The following TIA1 variants were observed in gnomAD, a reference collection of about 807,000 sequenced individuals.
TIA1 encodes the protein cytotoxic granule associated RNA binding protein TIA1.
A neutral mutation model predicts 65.9 loss-of-function variants in TIA1; 23 were observed. That is an observed-to-expected ratio of 0.35 (90% confidence interval 0.25 to 0.49). The LOEUF is 0.49. Among genes scored for constraint, TIA1 ranks in the 20% least tolerant of loss-of-function variants. The probability of loss-of-function intolerance (pLI) is 0.98; values close to 1 mark genes in which losing one functional copy is unlikely to be tolerated. For synonymous variants in TIA1, 147 were observed against 149.4 expected, an observed-to-expected ratio of 0.98 and a Z score of 0.12; for missense variants, 371 against 477.9, an observed-to-expected ratio of 0.78 and a Z score of 2.09.
At chr2:70,245,970 C>G (rs1293903785) in intron 1 of TIA1, among the ~76,000 whole-genome samples, 1 of 139,334 alleles carries the variant, frequency 7.2e-6, no homozygotes, top group Non-Finnish European at 1.5e-5. Context: ...GTTGCACAGG[C>G]TGGAGTGCAA....
intron 2 of TIA1, among the ~76,000 whole-genome samples, chr2:70,234,459 T>TAA (rs1483616816): frequency 6.6e-6 from 1 of 152,210 alleles, no homozygotes; most frequent in Non-Finnish European, 1.5e-5. Context: ...TAAAAGAACA[T>TAA]AACTCTTTGT....
intron 7 of TIA1, chr2:70,217,296 T>G (rs1573231426): frequency 5.2e-6 from 1 of 192,934 alleles, no homozygotes. Context: ...CTCAGCCTCC[T>G]GAGTAGCGGG....
At position 70,242,681 on chromosome 2, in the gene TIA1, C is replaced by T. The variant is rs115495623; in HGVS notation, c.26+5724G>A. Among the ~76,000 whole-genome samples the T allele has an allele frequency of 3.6e-3, 554 of 152,104 alleles. 3 individuals carry two copies. The highest frequency in any genetic ancestry group is 0.012 in the African/African-American group (518 of 41,488). On this transcript the variant is annotated intron_variant, in intron 1 of 12. Transcript: ENST00000433529. ...CCCCCCTAGGCCATGGACCATTATGCGTCCATGGCCTGTTAGGAACTGGGC... is the reference window on the plus strand; with the variant it reads ...CCCCCCTAGGCCATGGACCATTATGTGTCCATGGCCTGTTAGGAACTGGGC...
At position 70,248,435 on chromosome 2, in the gene TIA1, G is replaced by C. The variant is rs562679610; in HGVS notation, c.-5C>G. On this transcript the variant is annotated 5_prime_UTR_variant, in exon 1 of 13. Coordinates refer to ENST00000433529, the MANE Select transcript of TIA1 (RefSeq NM_022173.4). ...CTTGGGCATCTCGTCCTCCATGGCT[G>C]CTGCTGTCGCGGCGGCGCCTCCAGG... The C allele has an allele frequency of 6.2e-7, 1 of 1,600,812 alleles. No homozygotes were observed. Among genetic ancestry groups the C allele is most frequent in the African/African-American group, 1.3e-5 (1 of 75,036 alleles).
intron 1 of TIA1, among the ~76,000 whole-genome samples, chr2:70,239,597 A>G (rs969786591): frequency 2.0e-5 from 3 of 152,228 alleles, no homozygotes; most frequent in African/African-American, 4.8e-5. Flanking sequence ...ATATTCATAC[A>G]TGCTCACAAA....
chr2:70,230,258 A>G (rs1685620874), intron 3 of TIA1, among the ~76,000 whole-genome samples: 2 of 150,834 alleles, frequency 1.3e-5, no homozygotes, highest in Admixed American at 6.6e-5. Context: ...AAAAAAAAAG[A>G]AAAGAAAATA....
intron 2 of TIA1, among the ~76,000 whole-genome samples, chr2:70,231,100 C>T (rs1223272274): frequency 2.0e-5 from 3 of 152,140 alleles, no homozygotes; most frequent in East Asian, 1.9e-4. Context: ...CAGTTTGAGA[C>T]CAACTTGGCC....
intron 6 of TIA1, 145 bp from the exon 7 acceptor site, chr2:70,224,774 A>G (rs1393854043): frequency 1.4e-6 from 2 of 1,418,092 alleles, no homozygotes; most frequent in African/African-American, 2.9e-5. Flanking sequence ...TACAAAATTT[A>G]TCATGTATTA....
At chr2:70,230,249 A>C (rs1034369591) in intron 3 of TIA1, among the ~76,000 whole-genome samples, 6 of 151,846 alleles carry the variant, frequency 4.0e-5, no homozygotes, top group Admixed American at 1.3e-4. Flanking sequence ...CTCAAAAAAA[A>C]AAAAAAAGAA....
intron 7 of TIA1, 69 bp downstream of exon 7, chr2:70,224,485 G>C: frequency 6.3e-7 from 1 of 1,591,626 alleles, no homozygotes; most frequent in African/African-American, 1.4e-5. Flanking sequence ...AAAAAGATTA[G>C]TAATTAAAAC....
intron 1 of TIA1, among the ~76,000 whole-genome samples, chr2:70,238,580 AG>A (rs1690204929): frequency 6.6e-6 from 1 of 152,130 alleles, no homozygotes; most frequent in South Asian, 2.1e-4. Context: ...GAAAAGTTAT[AG>A]GTAAATTATC....
chr2:70,230,691 A>C, intron 3 of TIA1, 65 bp downstream of exon 3: 1 of 1,293,956 alleles, frequency 7.7e-7, no homozygotes, highest in Non-Finnish European at 1.1e-6. Flanking sequence ...CTAAAAAGGA[A>C]ACAAAATCAT....
At chr2:70,236,024 T>G in intron 2 of TIA1, 55 bp downstream of exon 2, 1 of 1,079,824 alleles carries the variant, frequency 9.3e-7, no homozygotes, top group Non-Finnish European at 1.4e-6. Context: ...AGCAATGGCT[T>G]TAAGTAATGT....
chr2:70,217,789 G>A (rs1481967824), intron 7 of TIA1, among the ~76,000 whole-genome samples: 1 of 152,082 alleles, frequency 6.6e-6, no homozygotes, highest in African/African-American at 2.4e-5. Flanking sequence ...TCAACCCAAT[G>A]GTGCTTTTGT....
chr2:70,247,872 G>A (rs374839302), intron 1 of TIA1, among the ~76,000 whole-genome samples: 2 of 152,006 alleles, frequency 1.3e-5, no homozygotes, highest in East Asian at 3.9e-4. Context: ...TTTCCAATTG[G>A]CAACTGCAAG....
At chr2:70,228,319 T>C (rs1258153896) in intron 5 of TIA1, 2 of 1,280,992 alleles carry the variant, frequency 1.6e-6, no homozygotes, top group Admixed American at 2.4e-5. Context: ...TAACCATATT[T>C]TGTGAAGAAC....
Position 70,215,998 on chromosome 2 carries a change from C to T in TIA1, c.764+210G>A, listed in dbSNP as rs181160172. The T allele has an allele frequency of 1.8e-4, 90 of 511,038 alleles. No homozygotes were observed. The East Asian group carries it at 2.5e-3, about 14-fold the overall frequency. 31.7% of individuals were successfully genotyped at this position (511,038 alleles called of 1,614,324 possible). ...CTCAAACTCATGACGGTGATCCACC[C>T]GTCTCGGCCTCCCAAAGTGCTGGGA... On this transcript the variant is annotated intron_variant, in intron 10 of 12. Coordinates refer to ENST00000433529, the MANE Select transcript of TIA1 (RefSeq NM_022173.4).
intron 7 of TIA1, among the ~76,000 whole-genome samples, chr2:70,220,484 G>A (rs1680790302): frequency 6.6e-6 from 1 of 152,078 alleles, no homozygotes; most frequent in Non-Finnish European, 1.5e-5. Context: ...AGAGATTGGA[G>A]TTATACAGCT....
chr2:70,226,667 T>C (rs1683958188), intron 6 of TIA1, among the ~76,000 whole-genome samples: 1 of 152,120 alleles, frequency 6.6e-6, no homozygotes, highest in Non-Finnish European at 1.5e-5. Context: ...AGGCTAAGAC[T>C]GTCTAAGTCC....
Sources: allele counts gnomAD v4.1 joint callset (sites outside exome capture counted in the v4.1 genomes callset), GRCh38; gene constraint gnomAD v4.1.1; transcripts MANE v1.5; gene names NCBI Gene and HGNC (gene_info 2026-07-23, HGNC 2026-07-21).